The following BLCAP variants were observed in gnomAD, a reference collection of about 807,000 sequenced individuals.
BLCAP encodes apoptosis inducing factor BLCAP.
In BLCAP, 1 loss-of-function variant was observed where a neutral mutation model predicts 5.7. The ratio of observed to expected loss-of-function variants is 0.18; its 90% CI spans 0.06 to 0.83. BLCAP has a LOEUF of 0.83. Ranked by LOEUF, BLCAP falls within the 40% of genes least tolerant of loss-of-function variation. BLCAP has a pLI of 0.71. For synonymous variants in BLCAP, 48 were observed against 49.4 expected, an observed-to-expected ratio of 0.97 and a Z score of 0.11; for missense variants, 66 against 107.6, an observed-to-expected ratio of 0.61 and a Z score of 1.71.
In BLCAP at chr20:37,519,215, C is replaced by G; in HGVS notation, c.-41G>C. 1 of 1,538,700 alleles carries G rather than the reference C, an allele frequency of 6.5e-7. No individual in the cohort carries two copies. The highest frequency in any genetic ancestry group is 8.8e-7 in the Non-Finnish European group (1 of 1,139,890). On this transcript the variant is annotated 5_prime_UTR_variant, in exon 2 of 2. Coordinates refer to ENST00000373537, the MANE Select transcript of BLCAP (RefSeq NM_006698.4). ...GGGCCTTCACCAAGGCTGCCGGGCA[C>G]CGCTGCAGGAACCGACCTAATGGGA...
intron 1 of BLCAP, among the ~76,000 whole-genome samples, chr20:37,525,939 A>G (rs532664909): frequency 3.3e-5 from 5 of 152,286 alleles, no homozygotes; most frequent in Admixed American, 1.3e-4. Flanking sequence ...GCAACAGGTG[A>G]GAGACCCTTG....
chr20:37,522,282 C>T, intron 1 of BLCAP: 1 of 1,220,858 alleles, frequency 8.2e-7, no homozygotes, highest in Non-Finnish European at 1.2e-6. Context: ...AATCATTTAC[C>T]CTAAAAGCTC....
At position 37,521,184 on chromosome 20, in the gene BLCAP, C is replaced by G. The variant is rs1012581205; in HGVS notation, c.-176-1834G>C. ...CAGCCACCCCTCCTCATAAACACCC[C>G]CCAAGGCGCGCATGCGCACTTAGGT... On this transcript the variant is annotated intron_variant, in intron 1 of 1. Coordinates refer to ENST00000373537, the MANE Select transcript of BLCAP (RefSeq NM_006698.4). This position sits in a 1 kb window ranked among gnomAD's most constrained non-coding sequence, Gnocchi z 4.5. 2 of 775,794 alleles carry G rather than the reference C, an allele frequency of 2.6e-6. No individual in the cohort carries two copies. The highest frequency in any genetic ancestry group is 4.5e-6 in the Non-Finnish European group (2 of 447,938). 48.1% of individuals were successfully genotyped at this position (775,794 alleles called of 1,614,324 possible).
At chr20:37,522,748 GC>G in intron 1 of BLCAP, 1 of 1,603,618 alleles carries the variant, frequency 6.2e-7, no homozygotes, top group Non-Finnish European at 8.5e-7. Context: ...CAGGCAGCGA[GC>G]CCCCAACTGA....
chr20:37,525,353 AGCTG>A (rs1405125134), intron 1 of BLCAP, among the ~76,000 whole-genome samples: 1 of 152,220 alleles, frequency 6.6e-6, no homozygotes, highest in Non-Finnish European at 1.5e-5. Flanking sequence ...GCATGGTAAG[AGCTG>A]GCTGCTCTGG....
chr20:37,521,505 C>A lies in BLCAP; in HGVS notation c.-176-2155G>T. The A allele has an allele frequency of 1.7e-6, 2 of 1,171,632 alleles. No homozygotes were observed. The highest frequency in any genetic ancestry group is 2.4e-5 in the East Asian group (1 of 41,906). The allele number at this position is 1,171,632 out of a possible 1,614,324, so 72.6% of individuals were successfully genotyped here. A position where few individuals can be genotyped will look rare whatever the true frequency, so the allele number is the denominator to read the frequency against. On this transcript the variant is annotated intron_variant, in intron 1 of 1. Coordinates refer to ENST00000373537, the MANE Select transcript of BLCAP (RefSeq NM_006698.4). The surrounding 1 kb of genome is among the most constrained non-coding windows in gnomAD (Gnocchi z 4.5). ...GCCGCTTCCCGGACCCGTCCTATTC[C>A]GATTGCCGCGATCCTTGCCTGCCCA...
chr20:37,526,360 T>C (rs922915687), intron 1 of BLCAP, among the ~76,000 whole-genome samples: 1 of 147,408 alleles, frequency 6.8e-6, no homozygotes, highest in Non-Finnish European at 1.5e-5. Context: ...AACAATCTCT[T>C]TTCCCCCCGG....
chr20:37,521,847 G>A lies in BLCAP; in HGVS notation c.-176-2497C>T, dbSNP rs2147189136. On this transcript the variant is annotated intron_variant, in intron 1 of 1. Transcript: ENST00000373537. This position sits in a 1 kb window ranked among gnomAD's most constrained non-coding sequence, Gnocchi z 4.5. Reference sequence around the variant, plus strand: ...AAAAAAACATATAGCGCTTGCGGGGGTGGAACAAAAAATAAGTTAGAAAAA... The same window carrying A: ...AAAAAAACATATAGCGCTTGCGGGGATGGAACAAAAAATAAGTTAGAAAAA... 6.6e-6 allele frequency among the ~76,000 whole-genome samples: 1 copy of A among 151,404 alleles called. No homozygotes were observed. Among genetic ancestry groups the A allele is most frequent in the African/African-American group, 2.4e-5 (1 of 41,238 alleles).
intron 1 of BLCAP, among the ~76,000 whole-genome samples, chr20:37,525,870 A>G (rs2071709813): frequency 6.6e-6 from 1 of 152,206 alleles, no homozygotes; most frequent in Non-Finnish European, 1.5e-5. Context: ...TGCCCCCACA[A>G]GGCCAAGGAC....
rs1238057835 is a variant in BLCAP at position 37,518,021 on chromosome 20, TATCAAGGGG to T, written c.*881_*889del. 7 of 152,652 alleles carry T rather than the reference TATCAAGGGG, an allele frequency of 4.6e-5. No homozygotes were observed. The highest frequency in any genetic ancestry group is 1.7e-4 in the African/African-American group (7 of 41,434). 9.5% of individuals were successfully genotyped at this position (152,652 alleles called of 1,614,324 possible). ...GCACACCAAAAAATATCCAAACATC[TATCAAGGGG>T]ATCAAGGCCGTTACGAAACACACAG... On this transcript the variant is annotated 3_prime_UTR_variant, in exon 2 of 2. Transcript: ENST00000373537.
At chr20:37,526,884 G>C (rs2071731109) in intron 1 of BLCAP, 2 of 152,186 alleles carry the variant, frequency 1.3e-5, no homozygotes, top group South Asian at 4.1e-4. Flanking sequence ...TCCCAGCTTT[G>C]GTGTTGCCGT....
chr20:37,522,735 G>C (rs981222250), intron 1 of BLCAP: 2 of 1,608,136 alleles, frequency 1.2e-6, no homozygotes, highest in Admixed American at 1.7e-5. Context: ...TGTTGGGGGA[G>C]CGCAGGCAGC....
Position 37,519,260 on chromosome 20 carries a change from T to C in BLCAP, c.-86A>G. 1 of 1,449,608 alleles carries C rather than the reference T, an allele frequency of 6.9e-7. No individual in the cohort carries two copies. The highest frequency in any genetic ancestry group is 9.2e-7 in the Non-Finnish European group (1 of 1,087,442). The allele number at this position is 1,449,608 out of a possible 1,614,324, so 89.8% of individuals were successfully genotyped here. A position where few individuals can be genotyped will look rare whatever the true frequency, so the allele number is the denominator to read the frequency against. On this transcript the variant is annotated 5_prime_UTR_variant, in exon 2 of 2. Transcript: ENST00000373537. ...ATGGGAGCCAGCGGGCGCAGGCGGCTGCCCTCCGCTTTCTTCAACCCTCAC... is the reference window on the plus strand; with the variant it reads ...ATGGGAGCCAGCGGGCGCAGGCGGCCGCCCTCCGCTTTCTTCAACCCTCAC...
In BLCAP at chr20:37,521,247, G is replaced by C; in HGVS notation, c.-176-1897C>G. The C allele has an allele frequency of 7.1e-7, 1 of 1,418,022 alleles. No homozygotes were observed. Among genetic ancestry groups the C allele is most frequent in the Non-Finnish European group, 1.0e-6 (1 of 1,004,050 alleles). The allele number at this position is 1,418,022 out of a possible 1,614,324, so 87.8% of individuals were successfully genotyped here. On this transcript the variant is annotated intron_variant, in intron 1 of 1. Coordinates refer to ENST00000373537, the MANE Select transcript of BLCAP (RefSeq NM_006698.4). The surrounding 1 kb of genome is among the most constrained non-coding windows in gnomAD (Gnocchi z 4.5). ...CTTAAGGCGCGGCCACCGCGGCTGCGGCAGTGCGCCCAACAGCGGACTCCG... is the reference window on the plus strand; with the variant it reads ...CTTAAGGCGCGGCCACCGCGGCTGCCGCAGTGCGCCCAACAGCGGACTCCG...
intron 1 of BLCAP, among the ~76,000 whole-genome samples, chr20:37,527,227 G>T (rs1161654612): frequency 6.6e-6 from 1 of 152,132 alleles, no homozygotes; most frequent in Non-Finnish European, 1.5e-5. Flanking sequence ...GGGAAGGGAT[G>T]TCCACCCTTG....
In BLCAP at chr20:37,521,499, C is replaced by G. The variant is rs1337762246; in HGVS notation, c.-176-2149G>C. The G allele has an allele frequency of 1.6e-6, 2 of 1,256,464 alleles. No homozygotes were observed. The highest frequency in any genetic ancestry group is 2.3e-6 in the Non-Finnish European group (2 of 860,888). The allele number at this position is 1,256,464 out of a possible 1,614,324, so 77.8% of individuals were successfully genotyped here. A position where few individuals can be genotyped will look rare whatever the true frequency, so the allele number is the denominator to read the frequency against. ...GCGATTGCCGCTTCCCGGACCCGTC[C>G]TATTCCGATTGCCGCGATCCTTGCC... On this transcript the variant is annotated intron_variant, in intron 1 of 1. Coordinates refer to ENST00000373537, the MANE Select transcript of BLCAP (RefSeq NM_006698.4). The surrounding 1 kb of genome is among the most constrained non-coding windows in gnomAD (Gnocchi z 4.5).
At chr20:37,522,598 G>GGGGGCCCC in intron 1 of BLCAP, 1 of 864,266 alleles carries the variant, frequency 1.2e-6, no homozygotes, top group Non-Finnish European at 1.7e-6. Flanking sequence ...GCGGGGGTGG[G>GGGGGCCCC]CACGGCAGCA....
chr20:37,521,343 G>T lies in BLCAP; in HGVS notation c.-176-1993C>A. On this transcript the variant is annotated intron_variant, in intron 1 of 1. Coordinates refer to ENST00000373537, the MANE Select transcript of BLCAP (RefSeq NM_006698.4). The surrounding 1 kb of genome is among the most constrained non-coding windows in gnomAD (Gnocchi z 4.5). Reference sequence around the variant, plus strand: ...CCATTCTTGGAACCATGGCGGCAGTGGCGGCGGCCTCGGCTGAACTGCTCA... The same window carrying T: ...CCATTCTTGGAACCATGGCGGCAGTTGCGGCGGCCTCGGCTGAACTGCTCA... 1 of 1,614,068 alleles carries T rather than the reference G, an allele frequency of 6.2e-7. No individual in the cohort carries two copies. The highest frequency in any genetic ancestry group is 1.3e-5 in the African/African-American group (1 of 75,050).
chr20:37,522,867 C>T (rs986435931), intron 1 of BLCAP: 4 of 997,606 alleles, frequency 4.0e-6, no homozygotes, highest in South Asian at 3.3e-5. Flanking sequence ...TGTGTTCCCT[C>T]GCCAGAGGAG....
Sources: allele counts gnomAD v4.1 joint callset (sites outside exome capture counted in the v4.1 genomes callset), GRCh38; gene constraint gnomAD v4.1.1; non-coding constraint Gnocchi (gnomAD v3.1); transcripts MANE v1.5; gene names NCBI Gene and HGNC (gene_info 2026-07-23, HGNC 2026-07-21).